The following CCSER1 variants were observed in gnomAD, a reference collection of about 807,000 sequenced individuals.
The protein encoded by CCSER1 is coiled-coil serine rich protein 1.
A neutral mutation model predicts 82.0 loss-of-function variants in CCSER1; 41 were observed. That is an observed-to-expected ratio of 0.50 (90% CI 0.39 to 0.65). The LOEUF (loss-of-function observed/expected upper bound fraction) is 0.65. Ranked by LOEUF, CCSER1 falls within the 30% of genes least tolerant of loss-of-function variation. The pLI is 0.00. For missense variants in CCSER1, 1,119 were observed against 1,064.2 expected, an observed-to-expected ratio of 1.05 and a Z score of -0.72; for synonymous variants, 414 against 383.9, an observed-to-expected ratio of 1.08 and a Z score of -0.92.
chr4:90,731,761 C>T (rs1468435508), intron 7 of CCSER1, among the ~76,000 whole-genome samples: 2 of 152,080 alleles, frequency 1.3e-5, no homozygotes, highest in African/African-American at 4.8e-5. Context: ...TGATGTAATA[C>T]AAAATGATAG....
At chr4:90,476,858 A>G (rs186587795) in intron 5 of CCSER1, among the ~76,000 whole-genome samples, 41 of 152,250 alleles carry the variant, frequency 2.7e-4, no homozygotes, top group Non-Finnish European at 5.6e-4. Context: ...TTCTTTGTAC[A>G]TTGAGCACAC....
At chr4:90,279,891 T>C (rs1728571217) in intron 1 of CCSER1, among the ~76,000 whole-genome samples, 1 of 152,048 alleles carries the variant, frequency 6.6e-6, no homozygotes, top group African/African-American at 2.4e-5. Flanking sequence ...TTGTGAATGC[T>C]AGTTAAATAT....
intron 5 of CCSER1, among the ~76,000 whole-genome samples, chr4:90,564,727 A>G (rs1021456745): frequency 7.3e-5 from 11 of 150,152 alleles, no homozygotes; most frequent in Non-Finnish European, 1.5e-4. Flanking sequence ...AGTCTAATTC[A>G]TTCTTCTTCA....
intron 4 of CCSER1, among the ~76,000 whole-genome samples, chr4:90,450,127 A>ACATCTCTC (rs1761245156): frequency 6.6e-6 from 1 of 152,210 alleles, no homozygotes. Flanking sequence ...AACAGCAGTC[A>ACATCTCTC]CATCTCTCTC....
intron 10 of CCSER1, among the ~76,000 whole-genome samples, chr4:91,368,818 C>A (rs1032967213): frequency 1.3e-5 from 2 of 152,132 alleles, no homozygotes; most frequent in African/African-American, 4.8e-5. Flanking sequence ...AAATCAGTTT[C>A]TATATTTTCA....
intron 1 of CCSER1, among the ~76,000 whole-genome samples, chr4:90,154,695 T>C (rs1727672925): frequency 6.7e-6 from 1 of 148,314 alleles, no homozygotes; most frequent in African/African-American, 2.5e-5. Flanking sequence ...GTTATTGGTG[T>C]ATAAGAATGC....
chr4:90,547,282 A>G (rs1282373059), intron 5 of CCSER1, among the ~76,000 whole-genome samples: 3 of 152,032 alleles, frequency 2.0e-5, no homozygotes, highest in Non-Finnish European at 4.4e-5. Context: ...TATTTTATAA[A>G]GATTTTTTTA....
chr4:90,413,885 C>T (rs1486286450), intron 4 of CCSER1, among the ~76,000 whole-genome samples: 2 of 129,416 alleles, frequency 1.5e-5, no homozygotes, highest in Non-Finnish European at 3.1e-5. Flanking sequence ...GGAGGTGGAG[C>T]TTGCAGTGAG....
chr4:91,495,790 T>A (rs541556295), intron 10 of CCSER1, among the ~76,000 whole-genome samples: 4 of 151,656 alleles, frequency 2.6e-5, no homozygotes, highest in Non-Finnish European at 5.9e-5. Flanking sequence ...CCCTCCTTTT[T>A]ACACAAAATA....
rs1749855053 is a variant in CCSER1, at chr4:90,385,294, A to G, written c.1510-14742A>G. Among the ~76,000 whole-genome samples the G allele has an allele frequency of 2.0e-5, 3 of 151,828 alleles. No homozygotes were observed. In the South Asian group the frequency reaches 6.2e-4, roughly 31 times the overall value. Reference sequence around the variant, plus strand: ...TGGTAGATCTACTTTTAGATCTTTGAGAAATCTTCATACTGTTTTTCATAC... The same window carrying G: ...TGGTAGATCTACTTTTAGATCTTTGGGAAATCTTCATACTGTTTTTCATAC... On this transcript the variant is annotated intron_variant, in intron 3 of 10. Coordinates refer to ENST00000509176, the MANE Select transcript of CCSER1 (RefSeq NM_001145065.2).
At chr4:91,317,320 C>T (rs1055969722) in intron 10 of CCSER1, among the ~76,000 whole-genome samples, 16 of 151,874 alleles carry the variant, frequency 1.1e-4, no homozygotes, top group African/African-American at 3.9e-4. Flanking sequence ...ACTATAGGAC[C>T]TTTGAATTTT....
At chr4:91,580,271 A>G (rs1763667129) in intron 10 of CCSER1, among the ~76,000 whole-genome samples, 1 of 151,844 alleles carries the variant, frequency 6.6e-6, no homozygotes, top group African/African-American at 2.4e-5. Flanking sequence ...TATTTTTGTT[A>G]TAGACATCAT....
rs143487350 is a variant in CCSER1, at chr4:90,803,513, G to A, written c.2011-12249G>A. 4.7e-4 allele frequency among the ~76,000 whole-genome samples: 71 copies of A among 152,170 alleles called. 1 individual carries two copies. The East Asian group carries it at 0.012, about 25-fold the overall frequency. ...TGCTGAGAATGATGGTTTCCAGCTT[G>A]TTCTATGTCCCTGCAAAGGACATGA... On this transcript the variant is annotated intron_variant, in intron 7 of 10. Transcript: ENST00000509176.
intron 7 of CCSER1, among the ~76,000 whole-genome samples, chr4:90,765,975 G>A (rs976057875): frequency 1.3e-4 from 20 of 152,108 alleles, no homozygotes; most frequent in African/African-American, 4.8e-4. Flanking sequence ...AGCTGTATGG[G>A]TTCCTCTGAG....
At chr4:90,906,783 C>A (rs997689971) in intron 8 of CCSER1, among the ~76,000 whole-genome samples, 2 of 151,826 alleles carry the variant, frequency 1.3e-5, no homozygotes, top group African/African-American at 4.8e-5. Flanking sequence ...TGCAAGGGTT[C>A]TGGTTTTTTT....
chr4:91,027,118 G>A (rs113669216), intron 9 of CCSER1, among the ~76,000 whole-genome samples: 33 of 152,110 alleles, frequency 2.2e-4, no homozygotes, highest in African/African-American at 7.9e-4. Flanking sequence ...ATCAAAGAGG[G>A]CTGCCAGGTA....
chr4:91,179,086 C>T (rs981457118), intron 10 of CCSER1, among the ~76,000 whole-genome samples: 8 of 152,128 alleles, frequency 5.3e-5, no homozygotes, highest in Admixed American at 2.6e-4. Flanking sequence ...ACATGAAATT[C>T]TGGGCTGAAA....
intron 3 of CCSER1, among the ~76,000 whole-genome samples, chr4:90,343,598 AGAGT>A (rs1741808662): frequency 6.6e-6 from 1 of 152,168 alleles, no homozygotes; most frequent in Admixed American, 6.5e-5. Context: ...GCCTGGCGAC[AGAGT>A]GAGACCCTGT....
intron 7 of CCSER1, among the ~76,000 whole-genome samples, chr4:90,729,689 CAG>C (rs1415601297): frequency 2.0e-5 from 3 of 152,014 alleles, no homozygotes; most frequent in Admixed American, 6.6e-5. Flanking sequence ...TTCTGGCTAA[CAG>C]GGTGAAATCC....
Sources: gnomAD v4.1 joint callset for allele counts (sites outside exome capture counted in the v4.1 genomes callset) on GRCh38, gnomAD v4.1.1 for gene constraint, MANE v1.5 for transcripts, NCBI Gene and HGNC (gene_info 2026-07-23, HGNC 2026-07-21) for gene names.